ADGRA3: variants seen among roughly 807,000 people sequenced by gnomAD.
The protein encoded by ADGRA3 is G-protein coupled receptor 125.
Under a neutral mutation model 119.8 loss-of-function variants are expected in ADGRA3, and 56 were observed. The observed-to-expected ratio is 0.47, with a 90% CI of 0.38 to 0.58. ADGRA3 has a LOEUF of 0.58. ADGRA3 is among the 20% of genes least tolerant of loss of function. The pLI, the probability that ADGRA3 is intolerant of heterozygous loss-of-function variation, is 0.00. For missense variants in ADGRA3, 1,516 were observed against 1,649.0 expected, an observed-to-expected ratio of 0.92 and a Z score of 1.40; for synonymous variants, 607 against 623.8, an observed-to-expected ratio of 0.97 and a Z score of 0.40.
rs892105713 is a variant in ADGRA3, at chr4:22,397,213, C to T, written c.2481+4218G>A. On this transcript the variant is annotated intron_variant, in intron 16 of 18. Transcript: ENST00000334304. Reference sequence around the variant, plus strand: ...TTTTTTTTTTTTTGAGATGGAGTCTCGCTCTGTCATCAGGCAGGAGTGCAG... The same window carrying T: ...TTTTTTTTTTTTTGAGATGGAGTCTTGCTCTGTCATCAGGCAGGAGTGCAG... Among the ~76,000 whole-genome samples the T allele has an allele frequency of 4.7e-5, 6 of 127,544 alleles. No homozygotes were observed. In the East Asian group the frequency reaches 1.3e-3, roughly 27 times the overall value. The allele number at this position is 127,544 out of a possible 152,430, so 83.7% of individuals were successfully genotyped here. A position where few individuals can be genotyped will look rare whatever the true frequency, so the allele number is the denominator to read the frequency against.
chr4:22,471,100 A>G (rs1717845132), intron 2 of ADGRA3, among the ~76,000 whole-genome samples: 1 of 152,156 alleles, frequency 6.6e-6, no homozygotes, highest in Non-Finnish European at 1.5e-5. Context: ...TGCTGAAGGA[A>G]TAAAGTCTGC....
intron 1 of ADGRA3, among the ~76,000 whole-genome samples, chr4:22,504,125 C>T (rs17600487): frequency 0.08 from 12,225 of 151,884 alleles, 636 homozygotes; most frequent in Middle Eastern, 0.12. Context: ...GTGTGTGATA[C>T]CCAATTCTAC....
chr4:22,514,775 G>A (rs993691715), intron 1 of ADGRA3, among the ~76,000 whole-genome samples: 2 of 152,174 alleles, frequency 1.3e-5, no homozygotes, highest in African/African-American at 2.4e-5. Flanking sequence ...AAACTGAACC[G>A]TGAATCCCAG....
intron 8 of ADGRA3, 69 bp from the exon 9 acceptor site, chr4:22,436,710 G>C: frequency 7.4e-7 from 1 of 1,359,974 alleles, no homozygotes; most frequent in Non-Finnish European, 1.0e-6. Flanking sequence ...AACAACAGCA[G>C]AGAAAAAAAT....
chr4:22,417,258 A>G (rs2109029040), intron 12 of ADGRA3, among the ~76,000 whole-genome samples: 1 of 152,334 alleles, frequency 6.6e-6, no homozygotes, highest in South Asian at 2.1e-4. Flanking sequence ...ATTTTATTCG[A>G]CATTTATTGA....
rs1409060296 is a variant in ADGRA3, at chr4:22,424,175, A to G, written c.1605+16T>C. The G allele has an allele frequency of 6.3e-7, 1 of 1,595,466 alleles. No homozygotes were observed. The highest frequency in any genetic ancestry group is 1.1e-5 in the South Asian group (1 of 88,974). ...GCACTTTTTTTCTCAGGAGTCTATGATAATGTTACACTTACTGTTGAATAA... is the reference window on the plus strand; with the variant it reads ...GCACTTTTTTTCTCAGGAGTCTATGGTAATGTTACACTTACTGTTGAATAA... On this transcript the variant is annotated intron_variant, in intron 11 of 18. Coordinates refer to ENST00000334304, the MANE Select transcript of ADGRA3 (RefSeq NM_145290.4).
At chr4:22,496,642 A>C (rs1718835144) in intron 1 of ADGRA3, among the ~76,000 whole-genome samples, 1 of 152,210 alleles carries the variant, frequency 6.6e-6, no homozygotes, top group Admixed American at 6.5e-5. Context: ...ATAGAATCTA[A>C]ATAATTCTAC....
At chr4:22,514,193 G>C (rs1467390161) in intron 1 of ADGRA3, among the ~76,000 whole-genome samples, 2 of 152,042 alleles carry the variant, frequency 1.3e-5, no homozygotes, top group Non-Finnish European at 2.9e-5. Context: ...CCAACATTGG[G>C]ATTTTCTCCA....
intron 16 of ADGRA3, 165 bp from the exon 17 acceptor site, chr4:22,392,855 T>A (rs887664841): frequency 3.5e-6 from 2 of 571,312 alleles, no homozygotes; most frequent in African/African-American, 1.9e-5. Flanking sequence ...CTAATAGACA[T>A]GTGACAGGGA....
At chr4:22,397,175 CTTTTTTTTTTTT>C (rs56918685) in intron 16 of ADGRA3, among the ~76,000 whole-genome samples, 1 of 93,242 alleles carries the variant, frequency 1.1e-5, no homozygotes, top group Admixed American at 1.2e-4. Context: ...TACTGTAATT[CTTTTTTTTTTTT>C]TTTTTTTTTT....
chr4:22,415,103 T>C (rs1396288068), intron 12 of ADGRA3, among the ~76,000 whole-genome samples: 1 of 152,110 alleles, frequency 6.6e-6, no homozygotes, highest in Non-Finnish European at 1.5e-5. Flanking sequence ...TAGCTCACTG[T>C]CTGCTCCTCA....
chr4:22,441,253 C>A (rs1716601653), intron 7 of ADGRA3, among the ~76,000 whole-genome samples: 1 of 152,170 alleles, frequency 6.6e-6, no homozygotes, highest in Admixed American at 6.5e-5. Flanking sequence ...TCTTACTGAT[C>A]CTGAACTACA....
At chr4:22,403,895 A>G (rs1714778064) in intron 14 of ADGRA3, among the ~76,000 whole-genome samples, 1 of 152,230 alleles carries the variant, frequency 6.6e-6, no homozygotes, top group Admixed American at 6.5e-5. Flanking sequence ...ATATGTTAAA[A>G]AACTGAGGCA....
intron 16 of ADGRA3, among the ~76,000 whole-genome samples, 178 bp downstream of exon 16, chr4:22,401,253 C>A (rs969818612): frequency 2.0e-5 from 3 of 152,014 alleles, no homozygotes; most frequent in Admixed American, 6.6e-5. Context: ...TATTCAGTTG[C>A]AAAATGGTAA....
At chr4:22,389,003 C>T (rs1017880791) in intron 18 of ADGRA3, 56 bp from the exon 19 acceptor site, 14 of 1,600,336 alleles carry the variant, frequency 8.7e-6, no homozygotes, top group African/African-American at 5.4e-5. Context: ...AAATTATCTA[C>T]GAAATTGCAA....
chr4:22,515,233 A>T, intron 1 of ADGRA3: 1 of 241,164 alleles, frequency 4.1e-6, no homozygotes, highest in Non-Finnish European at 8.0e-6. Context: ...TTGCATCCTC[A>T]CGTGGCACCG....
At chr4:22,407,848 T>C (rs1715005167) in intron 14 of ADGRA3, among the ~76,000 whole-genome samples, 2 of 152,156 alleles carry the variant, frequency 1.3e-5, no homozygotes, top group Admixed American at 1.3e-4. Context: ...AGTGGACATT[T>C]TCCATAATTA....
intron 14 of ADGRA3, among the ~76,000 whole-genome samples, chr4:22,406,652 A>AT (rs1714942360): frequency 1.3e-5 from 2 of 151,982 alleles, no homozygotes; most frequent in South Asian, 4.2e-4. Context: ...TAAATCAAAA[A>AT]TTTTTTATGT....
chr4:22,411,547 C>T (rs1419043052), intron 14 of ADGRA3, among the ~76,000 whole-genome samples: 4 of 152,014 alleles, frequency 2.6e-5, no homozygotes, highest in African/African-American at 4.8e-5. Flanking sequence ...TGCAGTGAGG[C>T]GAGATTGCAC....
Sources: allele counts gnomAD v4.1 joint callset (sites outside exome capture counted in the v4.1 genomes callset), GRCh38; gene constraint gnomAD v4.1.1; transcripts MANE v1.5; gene names NCBI Gene and HGNC (gene_info 2026-07-23, HGNC 2026-07-21).